ADAM22: variants seen among roughly 807,000 people sequenced by gnomAD.
The protein encoded by ADAM22 is ADAM metallopeptidase domain 22, also known as disintegrin and metalloproteinase domain-containing protein 22.
A neutral mutation model predicts 144.6 loss-of-function variants in ADAM22; 65 were observed. That is an observed-to-expected ratio of 0.45 (90% confidence interval 0.37 to 0.55). The LOEUF is 0.55. Among genes scored for constraint, ADAM22 ranks in the 20% least tolerant of loss-of-function variants. The pLI is 0.00. For synonymous variants in ADAM22, 391 were observed against 412.6 expected (o/e 0.95, Z 0.63); for missense variants, 974 against 1,184.9 (o/e 0.82, Z 2.61).
intron 3 of ADAM22, among the ~76,000 whole-genome samples, chr7:88,045,414 T>G (rs891567216): frequency 6.6e-6 from 1 of 152,182 alleles, no homozygotes; most frequent in Non-Finnish European, 1.5e-5. Flanking sequence ...CCACCCAGCT[T>G]TATTAAGATA....
rs1450332884 is a variant in ADAM22 at position 88,053,587 on chromosome 7, GGAAGGAAAGAAAGAAAGAAAGAAAGAAA to G, written c.324-22035_324-22008del. The stretch of plus-strand genomic sequence containing the variant: ...AAGAAGGAAGGAGGAAAGGAAGGAA[GGAAGGAAAGAAAGAAAGAAAGAAAGAAA>G]GAAAGAAAGAAAGAAAGAAAGAAAG... On this transcript the variant is annotated intron_variant, in intron 3 of 31. Coordinates refer to ENST00000413139, the MANE Select transcript of ADAM22 (RefSeq NM_001324418.2). 5.2e-4 allele frequency among the ~76,000 whole-genome samples: 62 copies of G among 119,230 alleles called. 1 individual carries two copies. In the Middle Eastern group the frequency reaches 0.014, roughly 27 times the overall value. The allele number at this position is 119,230 out of a possible 152,430, so 78.2% of individuals were successfully genotyped here.
At chr7:88,013,569 T>C (rs1337173745) in intron 3 of ADAM22, among the ~76,000 whole-genome samples, 3 of 152,100 alleles carry the variant, frequency 2.0e-5, no homozygotes, top group Non-Finnish European at 2.9e-5. Flanking sequence ...GGATTACAGG[T>C]ACACAGCACC....
At chr7:88,183,421 C>A (rs1847569459) in intron 29 of ADAM22, among the ~76,000 whole-genome samples, 1 of 151,964 alleles carries the variant, frequency 6.6e-6, no homozygotes, top group South Asian at 2.1e-4. Flanking sequence ...ACTTCAAAAA[C>A]TCCTAAGTTA....
At chr7:88,088,355 C>T (rs1818950309) in intron 4 of ADAM22, among the ~76,000 whole-genome samples, 1 of 152,050 alleles carries the variant, frequency 6.6e-6, no homozygotes, top group Non-Finnish European at 1.5e-5. Flanking sequence ...ATACCATCTC[C>T]CAGCAGGCAC....
At chr7:88,151,462 T>C in intron 20 of ADAM22, 142 bp downstream of exon 20, 1 of 927,084 alleles carries the variant, frequency 1.1e-6, no homozygotes, top group Non-Finnish European at 1.7e-6. Flanking sequence ...CAGGGGCATG[T>C]TTCTGGAAAT....
intron 31 of ADAM22, 59 bp from the exon 32 acceptor site, chr7:88,196,412 C>A: frequency 1.3e-6 from 2 of 1,592,426 alleles, no homozygotes; most frequent in Non-Finnish European, 1.7e-6. Flanking sequence ...ATCTCCTATT[C>A]AGAATACATC....
chr7:88,108,346 T>G, intron 5 of ADAM22, 88 bp downstream of exon 5: 1 of 1,036,542 alleles, frequency 9.6e-7, no homozygotes, highest in African/African-American at 1.6e-5. Context: ...ATATCCCTAT[T>G]TTGTGTCAAG....
chr7:87,985,963 T>A (rs866672604), intron 3 of ADAM22, among the ~76,000 whole-genome samples: 40 of 152,096 alleles, frequency 2.6e-4, no homozygotes, highest in Admixed American at 2.0e-4. Context: ...GCAGGAGGGA[T>A]GATGTCAAGT....
chr7:88,016,527 T>C (rs1320226503), intron 3 of ADAM22, among the ~76,000 whole-genome samples: 1 of 152,218 alleles, frequency 6.6e-6, no homozygotes, highest in African/African-American at 2.4e-5. Flanking sequence ...TTGTTAAACT[T>C]TATATATGTC....
intron 3 of ADAM22, among the ~76,000 whole-genome samples, chr7:87,998,033 A>G (rs1220669296): frequency 6.6e-6 from 1 of 152,202 alleles, no homozygotes; most frequent in Non-Finnish European, 1.5e-5. Flanking sequence ...CCACTGGTGT[A>G]TGTCCAAGGG....
intron 3 of ADAM22, among the ~76,000 whole-genome samples, chr7:88,033,057 A>G (rs762850332): frequency 6.6e-5 from 10 of 152,184 alleles, no homozygotes; most frequent in Non-Finnish European, 1.3e-4. Context: ...ACATTTGGTT[A>G]AGTCATGTTT....
rs764636588 is a variant in ADAM22 at position 88,131,270 on chromosome 7, T to G, written c.827T>G (p.Ile276Arg). Residue 276 changes from isoleucine (I) to arginine (R), a missense_variant and splice_region_variant, in exon 11 of 32, where the codon ATA becomes AGA. By Grantham distance (97) the Ile-to-Arg change is moderately conservative (BLOSUM62 -3). Transcript: ENST00000413139. ...AKSVVNMADL[I>R]YKDQLKTRIV... ...GTGTTCATTTTATTAATATACTAGA[T>G]ATATAAAGACCAACTTAAGACCAGG... 1.2e-6 allele frequency: 2 copies of G among 1,612,482 alleles called. No individual in the cohort carries two copies. The highest frequency in any genetic ancestry group is 1.7e-6 in the Non-Finnish European group (2 of 1,178,970).
intron 7 of ADAM22, among the ~76,000 whole-genome samples, chr7:88,125,281 A>G (rs1830138806): frequency 6.6e-6 from 1 of 152,066 alleles, no homozygotes; most frequent in South Asian, 2.1e-4. Flanking sequence ...TTAGTAATGG[A>G]GGTGAAAGTC....
intron 3 of ADAM22, among the ~76,000 whole-genome samples, chr7:88,057,501 G>A (rs1245516248): frequency 6.6e-6 from 1 of 152,152 alleles, no homozygotes; most frequent in Non-Finnish European, 1.5e-5. Context: ...AACTATGGCA[G>A]CATCATTGAC....
In ADAM22 at chr7:88,131,849, C is replaced by T. The variant is rs539572565; in HGVS notation, c.992+414C>T. 587 of 169,736 alleles carry T rather than the reference C, an allele frequency of 3.5e-3. 4 individuals carry two copies. The highest frequency in any genetic ancestry group is 0.013 in the African/African-American group (551 of 42,258). 10.5% of individuals were successfully genotyped at this position (169,736 alleles called of 1,614,324 possible). On this transcript the variant is annotated intron_variant, in intron 11 of 31. Coordinates refer to ENST00000413139, the MANE Select transcript of ADAM22 (RefSeq NM_001324418.2). ...TTTAATTTTTTCTCACTCTTATGTTCTTTTTTTGATAGCATGCATATTTGA... is the reference window on the plus strand; with the variant it reads ...TTTAATTTTTTCTCACTCTTATGTTTTTTTTTTGATAGCATGCATATTTGA...
At chr7:87,950,978 A>G (rs943819607) in intron 2 of ADAM22, among the ~76,000 whole-genome samples, 2 of 151,910 alleles carry the variant, frequency 1.3e-5, no homozygotes, top group African/African-American at 4.8e-5. Context: ...AAACTTTTTG[A>G]TGGGGTTGTT....
chr7:87,968,231 G>T (rs779582157), intron 2 of ADAM22, among the ~76,000 whole-genome samples: 16 of 152,112 alleles, frequency 1.1e-4, no homozygotes, highest in Non-Finnish European at 2.4e-4. Context: ...TTCTTAGGTT[G>T]GTTTAGAATA....
intron 3 of ADAM22, among the ~76,000 whole-genome samples, chr7:88,012,240 A>G (rs1389193759): frequency 6.6e-6 from 1 of 152,006 alleles, no homozygotes; most frequent in Non-Finnish European, 1.5e-5. Flanking sequence ...TACATTATTC[A>G]TCAGCTCTTG....
At chr7:88,178,608 A>T (rs963824894) in intron 26 of ADAM22, among the ~76,000 whole-genome samples, 10 of 150,860 alleles carry the variant, frequency 6.6e-5, no homozygotes, top group Non-Finnish European at 8.9e-5. Flanking sequence ...CCTTCGACAT[A>T]TTTTTTTTTT....
Sources: allele counts gnomAD v4.1 joint callset (sites outside exome capture counted in the v4.1 genomes callset), GRCh38; gene constraint gnomAD v4.1.1; transcripts MANE v1.5; gene names NCBI Gene and HGNC (gene_info 2026-07-23, HGNC 2026-07-21).